The following LRCH3 variants were observed in gnomAD, a reference collection of about 807,000 sequenced individuals.
The protein encoded by LRCH3 is DISP complex protein LRCH3.
Under a neutral mutation model 104.5 loss-of-function variants are expected in LRCH3, and 68 were observed. The ratio of observed to expected loss-of-function variants is 0.65; its 90% CI spans 0.54 to 0.80. LRCH3 has a LOEUF of 0.80. LRCH3 is among the 30% of genes least tolerant of loss of function. The pLI, the probability that LRCH3 is intolerant of heterozygous loss-of-function variation, is 0.00. For missense variants in LRCH3, 951 were observed against 953.9 expected (o/e 1.00, Z 0.04); for synonymous variants, 344 against 361.3 (o/e 0.95, Z 0.54).
intron 20 of LRCH3, chr3:197,882,929 A>T (rs1352151805): frequency 2.0e-6 from 2 of 985,254 alleles, no homozygotes; most frequent in African/African-American, 3.5e-5. Flanking sequence ...TTTTTAATTC[A>T]GACAGGCCCT....
At chr3:197,833,538 G>A (rs1449003851) in intron 8 of LRCH3, among the ~76,000 whole-genome samples, 2 of 151,210 alleles carry the variant, frequency 1.3e-5, no homozygotes, top group African/African-American at 2.4e-5. Context: ...ACTGTATCTC[G>A]AAAAAAAATC....
At chr3:197,861,617 T>C (rs964978329) in intron 15 of LRCH3, among the ~76,000 whole-genome samples, 1 of 152,230 alleles carries the variant, frequency 6.6e-6, no homozygotes, top group Non-Finnish European at 1.5e-5. Flanking sequence ...AAAGATTTAT[T>C]CTTTATTTTT....
intron 10 of LRCH3, among the ~76,000 whole-genome samples, chr3:197,841,441 A>G (rs1291703673): frequency 6.6e-6 from 1 of 152,240 alleles, no homozygotes; most frequent in East Asian, 1.9e-4. Context: ...ACATCTCGCA[A>G]ATTCTTTTGC....
chr3:197,850,351 C>CTTTTTTTTTTTTTTTTTTTTTTTTT (rs199876882), intron 12 of LRCH3: 6 of 619,516 alleles, frequency 9.7e-6, no homozygotes, highest in African/African-American at 2.2e-5. Flanking sequence ...ACCATTTTTT[C>CTTTTTTTTTTTTTTTTTTTTTTTTT]TTTTTTTTTT....
intron 10 of LRCH3, among the ~76,000 whole-genome samples, chr3:197,842,637 G>A (rs940980027): frequency 1.3e-5 from 2 of 151,914 alleles, no homozygotes. Flanking sequence ...CTCCCCTACC[G>A]CTACCCACAT....
chr3:197,844,146 C>T (rs754053519), intron 10 of LRCH3, among the ~76,000 whole-genome samples: 14 of 152,102 alleles, frequency 9.2e-5, no homozygotes, highest in Middle Eastern at 3.2e-3. Flanking sequence ...TTGGTGTATT[C>T]AAGAAACACC....
intron 8 of LRCH3, among the ~76,000 whole-genome samples, 164 bp from the exon 9 acceptor site, chr3:197,835,497 TAAAAAAAAAAAAA>T (rs79382131): frequency 3.0e-5 from 4 of 135,100 alleles, no homozygotes; most frequent in African/African-American, 1.2e-4. Context: ...ATAAAATGGG[TAAAAAAAAAAAAA>T]AAAAAAAAGA....
chr3:197,796,657 A>G (rs1731239852), intron 1 of LRCH3, among the ~76,000 whole-genome samples: 1 of 152,198 alleles, frequency 6.6e-6, no homozygotes, highest in African/African-American at 2.4e-5. Context: ...AACCATAGTA[A>G]GTTGTAAATA....
In LRCH3 at chr3:197,791,921, C is replaced by G. The variant is rs1224182767; in HGVS notation, c.262+381C>G. ...CGGGAACGTTAGCGCGAGCTCTTCA[C>G]AGATCAGAGTAGCAGGGGTGTCTGG... On this transcript the variant is annotated intron_variant, in intron 1 of 20. Transcript: ENST00000425562. 2.0e-5 allele frequency among the ~76,000 whole-genome samples: 3 copies of G among 152,168 alleles called. No homozygotes were observed. In the East Asian group the frequency reaches 5.8e-4, roughly 29 times the overall value.
chr3:197,797,086 G>A (rs1247700243), intron 1 of LRCH3, among the ~76,000 whole-genome samples: 2 of 151,014 alleles, frequency 1.3e-5, no homozygotes, highest in African/African-American at 2.5e-5. Context: ...GCAGCACTTT[G>A]GGGGGCCGAG....
At chr3:197,848,782 C>A (rs1052791603) in intron 12 of LRCH3, among the ~76,000 whole-genome samples, 4 of 152,192 alleles carry the variant, frequency 2.6e-5, no homozygotes, top group African/African-American at 9.7e-5. Flanking sequence ...TAAAGACTTT[C>A]CTGTATTTCA....
chr3:197,825,464 ATTTTTTTTTTTTTTTTTTTTT>A (rs58237989), intron 4 of LRCH3, among the ~76,000 whole-genome samples: 1 of 20,034 alleles, frequency 5.0e-5, no homozygotes, highest in African/African-American at 1.8e-4. Context: ...ATCCTCTTTG[ATTTTTTTTTTTTTTTTTTTTT>A]TTTTTTTTTT....
At chr3:197,826,795 A>G (rs1735254691) in intron 4 of LRCH3, 83 bp from the exon 5 acceptor site, 2 of 1,506,564 alleles carry the variant, frequency 1.3e-6, no homozygotes, top group Non-Finnish European at 1.8e-6. Flanking sequence ...CTATGTTAAA[A>G]TCACATTTAA....
rs150684608 is a variant in LRCH3, at chr3:197,875,304, A to G, written c.2131-394A>G. ...TTAAAAAAAAGTTCGCTGACCCCCT[A>G]GTCTACAGCATTGAGAGTTATGAAG... is the stretch of plus-strand genomic sequence containing the variant. On this transcript the variant is annotated intron_variant, in intron 19 of 20. Transcript: ENST00000425562. Among the ~76,000 whole-genome samples, 313 of 152,310 alleles carry G rather than the reference A, an allele frequency of 2.1e-3. 1 individual carries two copies. The highest frequency in any genetic ancestry group is 3.2e-3 in the Non-Finnish European group (220 of 68,022).
intron 10 of LRCH3, among the ~76,000 whole-genome samples, chr3:197,839,902 G>T (rs1256261065): frequency 6.6e-6 from 1 of 151,708 alleles, no homozygotes; most frequent in Admixed American, 6.6e-5. Context: ...GAACTGGGAG[G>T]GTGAGACTGC....
intron 10 of LRCH3, among the ~76,000 whole-genome samples, chr3:197,843,839 C>G (rs1277295560): frequency 6.6e-6 from 1 of 152,218 alleles, no homozygotes; most frequent in Non-Finnish European, 1.5e-5. Flanking sequence ...TACTGTCATT[C>G]ATTCAAGCAA....
At chr3:197,796,709 A>C (rs938371502) in intron 1 of LRCH3, among the ~76,000 whole-genome samples, 61 of 152,346 alleles carry the variant, frequency 4.0e-4, no homozygotes, top group African/African-American at 1.4e-3. Flanking sequence ...ATTGAGGCTC[A>C]GGAGATTAAA....
At chr3:197,880,755 T>C in intron 20 of LRCH3, 5 of 1,535,404 alleles carry the variant, frequency 3.3e-6, no homozygotes, top group Non-Finnish European at 4.4e-6. Flanking sequence ...ATTCCTGTGC[T>C]TGGTAAAGGA....
Position 197,791,490 on chromosome 3 carries a change from A to C in LRCH3, c.212A>C (p.Glu71Ala). ...AGCCTGAGCGGCCGGAAACTGAGGG[A>C]GTTTCCCCGGGGAGCGGCCAACCAC... ...VLSLSGRKLREFPRGAANHDL... is the reference protein window; with the variant it reads ...VLSLSGRKLRAFPRGAANHDL... Residue 71 changes from glutamate (E) to alanine (A), a missense_variant, in exon 1 of 21, where the codon GAG (glutamate) becomes GCG (alanine). Physicochemically the swap from Glu to Ala is moderately radical, Grantham distance 107. Coordinates refer to ENST00000425562, the MANE Select transcript of LRCH3 (RefSeq NM_001365715.1). The C allele has an allele frequency of 6.2e-7, 1 of 1,601,300 alleles. No homozygotes were observed. Among genetic ancestry groups the C allele is most frequent in the Non-Finnish European group, 8.5e-7 (1 of 1,175,548 alleles).
Sources: gnomAD v4.1 joint callset for allele counts (sites outside exome capture counted in the v4.1 genomes callset) on GRCh38, gnomAD v4.1.1 for gene constraint, MANE v1.5 for transcripts, NCBI Gene and HGNC (gene_info 2026-07-23, HGNC 2026-07-21) for gene names.